ST8SIA4: variants seen among roughly 807,000 people sequenced by gnomAD.
ST8SIA4 encodes ST8 alpha-N-acetyl-neuraminide alpha-2,8-sialyltransferase 4.
A neutral mutation model predicts 33.9 loss-of-function variants in ST8SIA4; 15 were observed. The observed-to-expected ratio is 0.44, with a 90% CI of 0.30 to 0.68. The LOEUF (loss-of-function observed/expected upper bound fraction) is 0.68, where lower values mean the gene tolerates loss of function less well. ST8SIA4 is among the 30% of genes least tolerant of loss of function. The probability of loss-of-function intolerance (pLI) is 0.10; values close to 1 mark genes in which losing one functional copy is unlikely to be tolerated. For synonymous variants in ST8SIA4, 171 were observed against 151.2 expected, an observed-to-expected ratio of 1.13 and a Z score of -0.96; for missense variants, 321 against 428.0, an observed-to-expected ratio of 0.75 and a Z score of 2.21.
intron 3 of ST8SIA4, among the ~76,000 whole-genome samples, chr5:100,878,433 T>G (rs1218876340): frequency 6.6e-6 from 1 of 152,174 alleles, no homozygotes; most frequent in East Asian, 1.9e-4. Flanking sequence ...TGCCTCAGCC[T>G]ATCAAAGTGC....
intron 4 of ST8SIA4, among the ~76,000 whole-genome samples, chr5:100,830,937 A>C (rs1043644868): frequency 2.0e-5 from 3 of 152,304 alleles, no homozygotes; most frequent in Non-Finnish European, 2.9e-5. Context: ...TATTATGTTT[A>C]CTTAGAATTG....
At chr5:100,898,932 CTTA>C (rs1167329973) in intron 1 of ST8SIA4, among the ~76,000 whole-genome samples, 1 of 152,182 alleles carries the variant, frequency 6.6e-6, no homozygotes, top group Admixed American at 6.5e-5. Context: ...AGGATCCCTG[CTTA>C]TTTGGATCAA....
At chr5:100,813,729 A>C (rs1042205168) in intron 4 of ST8SIA4, among the ~76,000 whole-genome samples, 1 of 152,018 alleles carries the variant, frequency 6.6e-6, no homozygotes, top group African/African-American at 2.4e-5. Flanking sequence ...TGAAATAATG[A>C]TTATAAGAAA....
chr5:100,832,683 G>C (rs1246168323), intron 4 of ST8SIA4, among the ~76,000 whole-genome samples: 1 of 151,540 alleles, frequency 6.6e-6, no homozygotes, highest in Non-Finnish European at 1.5e-5. Context: ...TTGCACAAAG[G>C]GTAACAAATT....
chr5:100,900,800 A>T lies in ST8SIA4; in HGVS notation c.113+2043T>A, dbSNP rs549408967. On this transcript the variant is annotated intron_variant, in intron 1 of 4. Coordinates refer to ENST00000231461, the MANE Select transcript of ST8SIA4 (RefSeq NM_005668.6). ...GGGTGGGGGTGGAAGGAGGGGAGGG[A>T]CCAAAAGAGCCTGAGTCCTGCAATA... Among the ~76,000 whole-genome samples, 17 of 151,200 alleles carry T rather than the reference A, an allele frequency of 1.1e-4. No individual in the cohort carries two copies. The South Asian group carries it at 3.6e-3, about 32-fold the overall frequency.
intron 4 of ST8SIA4, among the ~76,000 whole-genome samples, chr5:100,847,821 G>A (rs1751600111): frequency 6.6e-6 from 1 of 152,008 alleles, no homozygotes; most frequent in African/African-American, 2.4e-5. Flanking sequence ...ATTGATCATT[G>A]TGGTGTAAAG....
At chr5:100,883,138 G>A (rs937654120) in intron 3 of ST8SIA4, among the ~76,000 whole-genome samples, 6 of 152,178 alleles carry the variant, frequency 3.9e-5, no homozygotes, top group African/African-American at 1.2e-4. Flanking sequence ...GAAAGAAACT[G>A]GATGGAAGAC....
At chr5:100,900,044 C>T (rs1752866818) in intron 1 of ST8SIA4, among the ~76,000 whole-genome samples, 1 of 152,118 alleles carries the variant, frequency 6.6e-6, no homozygotes, top group Non-Finnish European at 1.5e-5. Flanking sequence ...GAAGGTTGTG[C>T]TGGTTTTCTA....
At chr5:100,882,072 A>G (rs567346386) in intron 3 of ST8SIA4, among the ~76,000 whole-genome samples, 106 of 152,238 alleles carry the variant, frequency 7.0e-4, no homozygotes, top group Non-Finnish European at 1.4e-3. Context: ...GGAACCGTGT[A>G]ACAGGCAGAG....
chr5:100,900,454 A>G (rs757133282), intron 1 of ST8SIA4: 29 of 456,098 alleles, frequency 6.4e-5, no homozygotes, highest in Non-Finnish European at 1.3e-4. Context: ...CAACTCCTCC[A>G]CCAGAAGCGC....
At chr5:100,851,736 G>A (rs1397725008) in intron 4 of ST8SIA4, among the ~76,000 whole-genome samples, 1 of 152,020 alleles carries the variant, frequency 6.6e-6, no homozygotes, top group East Asian at 1.9e-4. Context: ...TATTGAAACT[G>A]AGGATACACT....
chr5:100,811,944 G>C lies in ST8SIA4; in HGVS notation c.983C>G (p.Ala328Gly). 6.2e-7 allele frequency: 1 copy of C among 1,614,042 alleles called. No individual in the cohort carries two copies. The highest frequency in any genetic ancestry group is 8.5e-7 in the Non-Finnish European group (1 of 1,179,950). The change falls in exon 5 of 5, where the codon GCA becomes GGA. Residue 328 changes from alanine (A) to glycine (G), a missense_variant. Transcript: ENST00000231461. ...DDLKYRYFSN[A>G]SPHRMPLEFK... The stretch of plus-strand genomic sequence containing the variant: ...TTCTAATGGCATTCTGTGAGGGCTT[G>C]CATTGGAAAAGTACCTATATTTTAA...
chr5:100,858,657 T>C (rs1449447741), intron 3 of ST8SIA4, among the ~76,000 whole-genome samples: 1 of 152,070 alleles, frequency 6.6e-6, no homozygotes, highest in Non-Finnish European at 1.5e-5. Flanking sequence ...GCTTTCCACT[T>C]TGAAAGCAAA....
At chr5:100,855,302 C>G (rs1561395786) in intron 4 of ST8SIA4, among the ~76,000 whole-genome samples, 1 of 152,142 alleles carries the variant, frequency 6.6e-6, no homozygotes, top group African/African-American at 2.4e-5. Flanking sequence ...AATTATACAC[C>G]TCTGACAACA....
intron 4 of ST8SIA4, among the ~76,000 whole-genome samples, chr5:100,847,688 T>C (rs567263958): frequency 6.6e-6 from 1 of 152,230 alleles, no homozygotes; most frequent in East Asian, 1.9e-4. Context: ...TTTCATTCTT[T>C]TAATAACCAT....
intron 3 of ST8SIA4, among the ~76,000 whole-genome samples, chr5:100,857,671 A>T (rs920423713): frequency 1.3e-5 from 2 of 152,034 alleles, no homozygotes; most frequent in Non-Finnish European, 2.9e-5. Context: ...ATTATTAAAC[A>T]TTTTAATTAA....
intron 4 of ST8SIA4, among the ~76,000 whole-genome samples, chr5:100,821,810 T>C (rs1320241027): frequency 6.6e-6 from 1 of 152,176 alleles, no homozygotes; most frequent in Non-Finnish European, 1.5e-5. Flanking sequence ...ATTTGGGGGT[T>C]AGTCAAATAT....
At chr5:100,876,551 C>T (rs1034884798) in intron 3 of ST8SIA4, among the ~76,000 whole-genome samples, 2 of 151,952 alleles carry the variant, frequency 1.3e-5, no homozygotes, top group Admixed American at 6.6e-5. Context: ...TGACTGGCTT[C>T]CTTTGTTTTT....
chr5:100,808,563 A>G lies in ST8SIA4; in HGVS notation c.*3284T>C, dbSNP rs1007350285. ...TAAAGGACAAGAATATTTCACAATC[A>G]GCTGCCTGAGCATTGCCAAGTACAG... is the stretch of plus-strand genomic sequence containing the variant. On this transcript the variant is annotated 3_prime_UTR_variant, in exon 5 of 5. Coordinates refer to ENST00000231461, the MANE Select transcript of ST8SIA4 (RefSeq NM_005668.6). 1 of 152,614 alleles carries G rather than the reference A, an allele frequency of 6.6e-6. No homozygotes were observed. The highest frequency in any genetic ancestry group is 1.9e-4 in the East Asian group (1 of 5,208). The allele number at this position is 152,614 out of a possible 1,614,324, so 9.5% of individuals were successfully genotyped here. A position where few individuals can be genotyped will look rare whatever the true frequency, so the allele number is the denominator to read the frequency against.
Sources: gnomAD v4.1 joint callset for allele counts (sites outside exome capture counted in the v4.1 genomes callset) on GRCh38, gnomAD v4.1.1 for gene constraint, MANE v1.5 for transcripts, NCBI Gene and HGNC (gene_info 2026-07-23, HGNC 2026-07-21) for gene names.